The following LRIF1 variants were observed in gnomAD, a reference collection of about 807,000 sequenced individuals.
The protein encoded by LRIF1 is ligand dependent nuclear receptor interacting factor 1.
LRIF1 carries 32 observed loss-of-function variants against 52.7 expected under a neutral mutation model. The observed-to-expected ratio is 0.61, with a 90% CI of 0.46 to 0.82. The LOEUF is 0.82. Among genes scored for constraint, LRIF1 ranks in the 40% least tolerant of loss-of-function variants. The pLI, the probability that LRIF1 is intolerant of heterozygous loss-of-function variation, is 0.00. For synonymous variants in LRIF1, 323 were observed against 317.4 expected, an observed-to-expected ratio of 1.02 and a Z score of -0.19; for missense variants, 887 against 892.0, an observed-to-expected ratio of 0.99 and a Z score of 0.07.
the LRIF1 span, among the ~76,000 whole-genome samples, chr1:110,889,829 C>T: frequency 6.6e-6 from 1 of 152,132 alleles, no homozygotes; most frequent in Non-Finnish European, 1.5e-5. Context: ...TAAATCATTA[C>T]ACTTTACTTC....
rs754234579 is a variant in LRIF1, at chr1:110,963,647, C to T, written c.42G>A (p.Glu14=). The stretch of plus-strand genomic sequence containing the variant: ...AACGCGAGGCGTTGCCTGAATTTTC[C>T]TCTGCGGGTTTCAGGAAGACCCTCC... The part of the protein sequence containing the change: ...NLRRVFLKPA[E]ENSGNASRCV... The change falls in exon 1 of 4, where the codon GAG becomes GAA. Residue 14 remains glutamate (E), a synonymous_variant. Coordinates refer to ENST00000369763, the MANE Select transcript of LRIF1 (RefSeq NM_018372.4). 2 of 1,610,292 alleles carry T rather than the reference C, an allele frequency of 1.2e-6. No individual in the cohort carries two copies. Among genetic ancestry groups the T allele is most frequent in the Non-Finnish European group, 8.5e-7 (1 of 1,177,022 alleles).
chr1:110,912,814 A>T, the LRIF1 span, among the ~76,000 whole-genome samples: 1 of 152,226 alleles, frequency 6.6e-6, no homozygotes, highest in African/African-American at 2.4e-5. Context: ...TTTTTTACAG[A>T]ATTAGAAAAT....
chr1:110,879,432 A>C, the LRIF1 span, among the ~76,000 whole-genome samples: 1 of 152,258 alleles, frequency 6.6e-6, no homozygotes, highest in Non-Finnish European at 1.5e-5. Context: ...TGTGTTCCAC[A>C]GAATACTATG....
At chr1:110,894,389 A>C in the LRIF1 span, 1 of 1,613,234 alleles carries the variant, frequency 6.2e-7, no homozygotes, top group Non-Finnish European at 8.5e-7. Context: ...TGCTCTTTGT[A>C]TATGAACAGA....
the LRIF1 span, among the ~76,000 whole-genome samples, chr1:110,908,689 T>TA: frequency 4.1e-4 from 62 of 150,926 alleles, no homozygotes; most frequent in Non-Finnish European, 6.4e-4. Context: ...CAGATAAAAA[T>TA]AAAAAAAAAT....
rs370219260 is a variant in LRIF1 at position 110,951,520 on chromosome 1, G to T, written c.1364C>A (p.Thr455Lys). The T allele has an allele frequency of 6.9e-5, 111 of 1,614,020 alleles. No individual in the cohort carries two copies. Among genetic ancestry groups the T allele is most frequent in the Non-Finnish European group, 9.0e-5 (106 of 1,180,028 alleles). ...ACTGGATTGGTTCATATGTGGATTT[G>T]TGGTAGAAGGAGATGGTTTCTCCAC... ...NKVEKPSPSTTNPHMNQSSNY... is the reference protein window; with the variant it reads ...NKVEKPSPSTKNPHMNQSSNY... The change falls in exon 2 of 4, where the codon ACA (threonine) becomes AAA (lysine). Residue 455 changes from threonine to lysine, a missense_variant. By Grantham distance (78) the Thr-to-Lys change is moderately conservative. Coordinates refer to ENST00000369763, the MANE Select transcript of LRIF1 (RefSeq NM_018372.4).
the LRIF1 span, chr1:110,899,281 CA>C: frequency 1.1e-6 from 1 of 914,400 alleles, no homozygotes. Context: ...ATGATCACTG[CA>C]GGATGATCCT....
At chr1:110,959,765 G>GA (rs1658871536) in intron 1 of LRIF1, among the ~76,000 whole-genome samples, 1 of 145,530 alleles carries the variant, frequency 6.9e-6, no homozygotes, top group African/African-American at 2.5e-5. Context: ...AAAAGAATGA[G>GA]AAATTTAATA....
At position 110,952,556 on chromosome 1, in the gene LRIF1, T is replaced by C. The variant is rs771272284; in HGVS notation, c.328A>G (p.Arg110Gly). ...CCTTTTTCTGATGTATCTACTGTTC[T>C]TGTAAGAAAATAGTTTGAAGAACTG... Reference protein sequence around the residue: ...PASSSNYFLTRTVDTSEKGRV... With the variant: ...PASSSNYFLTGTVDTSEKGRV... The change falls in exon 2 of 4, where the codon AGA becomes GGA. Residue 110 changes from arginine (R) to glycine (G), a missense_variant. Coordinates refer to ENST00000369763, the MANE Select transcript of LRIF1 (RefSeq NM_018372.4). 9 of 1,614,026 alleles carry C rather than the reference T, an allele frequency of 5.6e-6. No individual in the cohort carries two copies. The South Asian group carries it at 8.8e-5, about 16-fold the overall frequency.
At chr1:110,919,181 T>C in the LRIF1 span, among the ~76,000 whole-genome samples, 1 of 152,160 alleles carries the variant, frequency 6.6e-6, no homozygotes, top group Admixed American at 6.5e-5. Context: ...TCAACTTGAT[T>C]GGATTGAAGG....
At chr1:110,937,105 G>C in the LRIF1 span, 2 of 152,064 alleles carry the variant, frequency 1.3e-5, no homozygotes, top group Non-Finnish European at 2.9e-5. Flanking sequence ...GCTAAGGCGA[G>C]GGATAGACCC....
chr1:110,915,466 C>G, the LRIF1 span, among the ~76,000 whole-genome samples: 18 of 151,044 alleles, frequency 1.2e-4, no homozygotes, highest in East Asian at 3.5e-3. Context: ...CCAGCCTGGG[C>G]GACAGAGCGA....
intron 1 of LRIF1, among the ~76,000 whole-genome samples, chr1:110,954,688 A>G (rs1275592343): frequency 6.6e-6 from 1 of 152,192 alleles, no homozygotes; most frequent in Non-Finnish European, 1.5e-5. Flanking sequence ...AAATTTACCA[A>G]GTGTCTGTTT....
At chr1:110,926,016 G>T in the LRIF1 span, among the ~76,000 whole-genome samples, 3 of 152,086 alleles carry the variant, frequency 2.0e-5, no homozygotes, top group South Asian at 6.2e-4. Context: ...AATTAAGATA[G>T]ACCAAAATAA....
At chr1:110,921,025 A>G in the LRIF1 span, among the ~76,000 whole-genome samples, 1 of 152,142 alleles carries the variant, frequency 6.6e-6, no homozygotes, top group Non-Finnish European at 1.5e-5. Flanking sequence ...AAGAGAGGGA[A>G]AAAAGTGGGC....
chr1:110,891,827 GT>G, the LRIF1 span, among the ~76,000 whole-genome samples: 1 of 152,190 alleles, frequency 6.6e-6, no homozygotes. Flanking sequence ...GAAACAATAA[GT>G]GATTGAAAGG....
intron 1 of LRIF1, among the ~76,000 whole-genome samples, chr1:110,959,741 A>AG (rs1658870011): frequency 6.6e-6 from 1 of 150,772 alleles, no homozygotes. Context: ...CATCTCAAAA[A>AG]AAAAAAAAAA....
At chr1:110,891,946 C>T in the LRIF1 span, among the ~76,000 whole-genome samples, 1 of 152,196 alleles carries the variant, frequency 6.6e-6, no homozygotes, top group African/African-American at 2.4e-5. Flanking sequence ...ATAAGTTTGG[C>T]TTCTCTAGTT....
chr1:110,946,698 C>T (rs1156319859), downstream of LRIF1, among the ~76,000 whole-genome samples: 3 of 147,186 alleles, frequency 2.0e-5, no homozygotes, highest in East Asian at 2.0e-4. Flanking sequence ...GCTCTGTCGC[C>T]CAGGCTGTAG....
Sources: gnomAD v4.1 joint callset for allele counts (sites outside exome capture counted in the v4.1 genomes callset) on GRCh38, gnomAD v4.1.1 for gene constraint, MANE v1.5 for transcripts, NCBI Gene and HGNC (gene_info 2026-07-23, HGNC 2026-07-21) for gene names.